The following FOCAD variants were observed in gnomAD, a reference collection of about 807,000 sequenced individuals.
The protein encoded by FOCAD is focadhesin, also known as KIAA1797.
In FOCAD, 198 loss-of-function variants were observed where a neutral mutation model predicts 225.6. The observed-to-expected ratio is 0.88, with a 90% CI of 0.78 to 0.99. The LOEUF (loss-of-function observed/expected upper bound fraction) is 0.99, where lower values mean the gene tolerates loss of function less well. Among genes scored for constraint, FOCAD ranks in the 50% least tolerant of loss-of-function variants. The pLI, the probability that FOCAD is intolerant of heterozygous loss-of-function variation, is 0.00. For synonymous variants in FOCAD, 897 were observed against 755.0 expected (o/e 1.19, Z -3.08); for missense variants, 2,713 against 2,123.6 (o/e 1.28, Z -5.46).
At chr9:20,920,131 C>A (rs1456271984) in intron 24 of FOCAD, among the ~76,000 whole-genome samples, 3 of 152,148 alleles carry the variant, frequency 2.0e-5, no homozygotes, top group Admixed American at 6.5e-5. Flanking sequence ...AAACAGACAA[C>A]CCCATCAACA....
intron 35 of FOCAD, among the ~76,000 whole-genome samples, chr9:20,962,714 G>A (rs989719443): frequency 6.6e-6 from 1 of 152,122 alleles, no homozygotes; most frequent in Non-Finnish European, 1.5e-5. Flanking sequence ...GTTTATATCA[G>A]GGTTCTTTGA....
intron 5 of FOCAD, among the ~76,000 whole-genome samples, chr9:20,751,270 A>C: frequency 6.9e-6 from 1 of 144,692 alleles, no homozygotes; most frequent in African/African-American, 2.6e-5. Flanking sequence ...CTAACTCGTC[A>C]TCTAGCATTA....
chr9:20,759,087 A>G (rs1267574702), intron 6 of FOCAD, among the ~76,000 whole-genome samples: 9 of 152,318 alleles, frequency 5.9e-5, no homozygotes, highest in East Asian at 1.9e-4. Flanking sequence ...TTCAAGGAGA[A>G]CTACAAACCA....
chr9:20,905,462 G>T (rs1025743839), intron 21 of FOCAD, among the ~76,000 whole-genome samples: 2 of 151,676 alleles, frequency 1.3e-5, no homozygotes, highest in Non-Finnish European at 2.9e-5. Flanking sequence ...TGAGGCTAAG[G>T]GTATTCTCAG....
chr9:20,767,526 G>T (rs1256396399), intron 7 of FOCAD, among the ~76,000 whole-genome samples: 5 of 151,760 alleles, frequency 3.3e-5, no homozygotes, highest in African/African-American at 1.2e-4. Flanking sequence ...TCTAACTGGT[G>T]TGAGATGGTA....
chr9:20,951,271 G>A (rs954390119), intron 34 of FOCAD, among the ~76,000 whole-genome samples, 173 bp downstream of exon 34: 2 of 152,136 alleles, frequency 1.3e-5, no homozygotes, highest in Admixed American at 1.3e-4. Context: ...CTTACCCAGG[G>A]TCATGTGACA....
chr9:20,892,684 C>G (rs1831720683), intron 21 of FOCAD, among the ~76,000 whole-genome samples: 1 of 152,060 alleles, frequency 6.6e-6, no homozygotes, highest in African/African-American at 2.4e-5. Context: ...ACATGTTGAA[C>G]TGACAATGCA....
intron 5 of FOCAD, among the ~76,000 whole-genome samples, chr9:20,753,953 A>G (rs558375621): frequency 2.0e-5 from 3 of 152,322 alleles, no homozygotes; most frequent in Middle Eastern, 6.8e-3. Flanking sequence ...CTTAGTATTC[A>G]TAACTTGAAT....
chr9:20,912,567 A>AT (rs1447031270), intron 22 of FOCAD, among the ~76,000 whole-genome samples: 1 of 152,132 alleles, frequency 6.6e-6, no homozygotes, highest in Non-Finnish European at 1.5e-5. Flanking sequence ...TAGCAGGTAG[A>AT]TTTTTTAAAT....
chr9:20,789,522 G>A lies in FOCAD; in HGVS notation c.1369G>A (p.Ala457Thr), dbSNP rs772501625. The change falls in exon 11 of 44, where the codon GCT becomes ACT. Residue 457 changes from alanine to threonine, a missense_variant. Ala to Thr is a moderately conservative substitution (Grantham distance 58, BLOSUM62 0). Transcript: ENST00000338382. Reference sequence around the variant, plus strand: ...CCCTGCGCCTGCCTTTCTTCTGCTGGCTCACCTCCTTGTTGAAGACAAAGG... The same window carrying A: ...CCCTGCGCCTGCCTTTCTTCTGCTGACTCACCTCCTTGTTGAAGACAAAGG... Reference protein sequence around the residue: ...VIPAPAFLLLAHLLVEDKGQN... With the variant: ...VIPAPAFLLLTHLLVEDKGQN... The A allele has an allele frequency of 6.2e-7, 1 of 1,613,914 alleles. No individual in the cohort carries two copies. Among genetic ancestry groups the A allele is most frequent in the Non-Finnish European group, 8.5e-7 (1 of 1,179,988 alleles).
intron 24 of FOCAD, among the ~76,000 whole-genome samples, chr9:20,920,421 T>A (rs202232497): frequency 1.8e-5 from 2 of 112,350 alleles, no homozygotes; most frequent in African/African-American, 3.5e-5. Context: ...CTCAGGGATC[T>A]AGAACTAGAA....
At chr9:20,844,091 T>G (rs116630378) in intron 15 of FOCAD, among the ~76,000 whole-genome samples, 2,022 of 152,200 alleles carry the variant, frequency 0.013, 53 homozygotes, top group African/African-American at 0.045. Flanking sequence ...TTTCTAGGAA[T>G]GTACCCAAGA....
At chr9:20,788,169 A>G (rs1204606459) in intron 10 of FOCAD, among the ~76,000 whole-genome samples, 1 of 152,242 alleles carries the variant, frequency 6.6e-6, no homozygotes, top group Non-Finnish European at 1.5e-5. Flanking sequence ...AAGTAACAAC[A>G]TGGATGAACC....
intron 5 of FOCAD, among the ~76,000 whole-genome samples, chr9:20,748,375 A>G (rs1004744258): frequency 6.6e-6 from 1 of 152,040 alleles, no homozygotes; most frequent in Non-Finnish European, 1.5e-5. Flanking sequence ...ACTACCTAAG[A>G]TATACTTAGG....
chr9:20,746,439 C>G (rs1480417781), intron 5 of FOCAD, among the ~76,000 whole-genome samples: 1 of 151,956 alleles, frequency 6.6e-6, no homozygotes, highest in African/African-American at 2.4e-5. Flanking sequence ...CTTAAAGAGC[C>G]GTGGGAAGTC....
intron 25 of FOCAD, among the ~76,000 whole-genome samples, chr9:20,924,185 C>G (rs1270119959): frequency 8.5e-5 from 13 of 152,184 alleles, no homozygotes; most frequent in Admixed American, 8.5e-4. Context: ...TTTTGCAAGG[C>G]AGTTATTTCT....
intron 4 of FOCAD, among the ~76,000 whole-genome samples, chr9:20,733,962 G>C (rs1162822966): frequency 6.6e-6 from 1 of 152,208 alleles, no homozygotes; most frequent in Non-Finnish European, 1.5e-5. Context: ...AGTGAGCTAT[G>C]ATTGCACCAC....
At chr9:20,697,522 A>T (rs557911016) in intron 1 of FOCAD, among the ~76,000 whole-genome samples, 1 of 152,282 alleles carries the variant, frequency 6.6e-6, no homozygotes, top group South Asian at 2.1e-4. Context: ...TCTTTCCTAA[A>T]CTTGCCAAAC....
intron 28 of FOCAD, among the ~76,000 whole-genome samples, chr9:20,940,037 G>A (rs1050453288): frequency 6.6e-6 from 1 of 151,936 alleles, no homozygotes; most frequent in African/African-American, 2.4e-5. Context: ...ACCTATGACT[G>A]AGAACATGCT....
Sources: gnomAD v4.1 joint callset for allele counts (sites outside exome capture counted in the v4.1 genomes callset) on GRCh38, gnomAD v4.1.1 for gene constraint, MANE v1.5 for transcripts, NCBI Gene and HGNC (gene_info 2026-07-23, HGNC 2026-07-21) for gene names.